KIRREL2: variants seen among roughly 807,000 people sequenced by gnomAD.
KIRREL2 encodes kirre like nephrin family adhesion molecule 2.
A neutral mutation model predicts 73.4 loss-of-function variants in KIRREL2; 56 were observed. The observed-to-expected ratio is 0.76, with a 90% CI of 0.62 to 0.95. The LOEUF is 0.95. Among genes scored for constraint, KIRREL2 ranks in the 40% least tolerant of loss-of-function variants. The probability of loss-of-function intolerance (pLI) is 0.00; values close to 1 mark genes in which losing one functional copy is unlikely to be tolerated. For synonymous variants in KIRREL2, 407 were observed against 404.0 expected, an observed-to-expected ratio of 1.01 and a Z score of -0.09; for missense variants, 896 against 935.0, an observed-to-expected ratio of 0.96 and a Z score of 0.54.
upstream of KIRREL2, among the ~76,000 whole-genome samples, chr19:35,854,713 G>A (rs183926905): frequency 1.8e-3 from 269 of 152,202 alleles, no homozygotes; most frequent in Non-Finnish European, 3.1e-3. Flanking sequence ...ATTTCACTGT[G>A]TCTCTCCATC....
Position 35,858,692 on chromosome 19 carries a change from T to C in KIRREL2, c.362-12T>C, listed in dbSNP as rs756178888. The C allele has an allele frequency of 1.3e-5, 21 of 1,613,390 alleles. No homozygotes were observed. The highest frequency in any genetic ancestry group is 1.8e-5 in the Non-Finnish European group (21 of 1,179,786). On this transcript the variant is annotated splice_polypyrimidine_tract_variant and intron_variant, in intron 3 of 14. Coordinates refer to ENST00000360202, the MANE Select transcript of KIRREL2 (RefSeq NM_199180.4). The stretch of plus-strand genomic sequence containing the variant: ...ATCAGGATCCATCTCTGACCCCAAA[T>C]CCACCTTGCAGTCCCCCCAGAAGCC...
rs1001404812 is a variant in KIRREL2 at position 35,861,638 on chromosome 19, C to T, written c.1287C>T (p.Ala429=). Reference sequence around the variant, plus strand: ...TTTTCGCCTCTCCCGCCCCAGATGCCGTGGTAAGGAAATGTCACTCCTCCC... The same window carrying T: ...TTTTCGCCTCTCCCGCCCCAGATGCTGTGGTAAGGAAATGTCACTCCTCCC... ...CLVFASPAPD[A]VVWSWDEGFL... Residue 429 remains alanine (A), a synonymous_variant, in exon 10 of 15, where the codon GCC becomes GCT. Coordinates refer to ENST00000360202, the MANE Select transcript of KIRREL2 (RefSeq NM_199180.4). The T allele has an allele frequency of 2.5e-6, 4 of 1,612,526 alleles. No individual in the cohort carries two copies. The highest frequency in any genetic ancestry group is 2.2e-5 in the East Asian group (1 of 44,882).
At chr19:35,864,790 C>A in intron 14 of KIRREL2, 77 bp downstream of exon 14, 1 of 1,133,394 alleles carries the variant, frequency 8.8e-7, no homozygotes, top group Non-Finnish European at 1.3e-6. Context: ...CCGTCTCTCT[C>A]CCACGCCTGT....
Position 35,866,223 on chromosome 19 carries a change from G to A in KIRREL2, c.1858G>A (p.Gly620Arg). 6.2e-7 allele frequency: 1 copy of A among 1,613,014 alleles called. No homozygotes were observed. The highest frequency in any genetic ancestry group is 1.1e-5 in the South Asian group (1 of 91,046). The change falls in exon 15 of 15, where the codon GGA (glycine) becomes AGA (arginine). Residue 620 changes from glycine to arginine, a missense_variant. By Grantham distance (125) the Gly-to-Arg change is moderately radical. Transcript: ENST00000360202. ...GAGCCTGAGCCTTGGCGAAGCCCCT[G>A]GAGGAGGTCTCTTCCTGCCACCACC... Reference protein sequence around the residue: ...SVSLSLGEAPGGGLFLPPPSP... With the variant: ...SVSLSLGEAPRGGLFLPPPSP...
intron 13 of KIRREL2, among the ~76,000 whole-genome samples, chr19:35,863,862 C>T (rs981610927): frequency 6.6e-6 from 1 of 152,034 alleles, no homozygotes; most frequent in African/African-American, 2.4e-5. Flanking sequence ...CAAGCTCCAC[C>T]TCCCGGGTTC....
chr19:35,857,341 C>A lies in KIRREL2; in HGVS notation c.62-4C>A, dbSNP rs1190533603. The A allele has an allele frequency of 6.2e-7, 1 of 1,612,358 alleles. No individual in the cohort carries two copies. Among genetic ancestry groups the A allele is most frequent in the Non-Finnish European group, 8.5e-7 (1 of 1,180,044 alleles). The stretch of plus-strand genomic sequence containing the variant: ...CTCAGCCCTGCTGCCCCGAACTCTC[C>A]TAGGCCCGTCGCCCCATTTCCTGCA... On this transcript the variant is annotated splice_region_variant and splice_polypyrimidine_tract_variant and intron_variant, in intron 1 of 14. Transcript: ENST00000360202.
upstream of KIRREL2, among the ~76,000 whole-genome samples, chr19:35,852,826 G>A (rs1415923774): frequency 6.6e-6 from 1 of 151,960 alleles, no homozygotes; most frequent in Non-Finnish European, 1.5e-5. Flanking sequence ...CTGTTGCTCA[G>A]GCTGGAGTGC....
chr19:35,858,491 GCATC>G lies in KIRREL2; in HGVS notation c.296_299del (p.Ala99AspfsTer45). Reference sequence around the variant, plus strand: ...TAGGCCCGTGGAGCTAGAGGATGAAGCATCATATGAATGTCAGGCTACACAAGCA... The same window carrying G: ...TAGGCCCGTGGAGCTAGAGGATGAAGATATGAATGTCAGGCTACACAAGCA... On this transcript the variant is annotated frameshift_variant, in exon 3 of 15. Coordinates refer to ENST00000360202, the MANE Select transcript of KIRREL2 (RefSeq NM_199180.4). LOFTEE classifies it high-confidence loss of function. 6.2e-7 allele frequency: 1 copy of G among 1,614,184 alleles called. No homozygotes were observed. Among genetic ancestry groups the G allele is most frequent in the Non-Finnish European group, 8.5e-7 (1 of 1,180,044 alleles).
At position 35,866,658 on chromosome 19, in the gene KIRREL2, C is replaced by T; in HGVS notation, c.*166C>T. The T allele has an allele frequency of 9.8e-7, 1 of 1,018,890 alleles. No individual in the cohort carries two copies. Among genetic ancestry groups the T allele is most frequent in the South Asian group, 1.5e-5 (1 of 66,866 alleles). The allele number at this position is 1,018,890 out of a possible 1,614,324, so 63.1% of individuals were successfully genotyped here. On this transcript the variant is annotated 3_prime_UTR_variant, in exon 15 of 15. Coordinates refer to ENST00000360202, the MANE Select transcript of KIRREL2 (RefSeq NM_199180.4). ...GAGCATTTGTATACAGTCAGCTCAGCCAAAGGAGATGCCCCAAGTGGGAGC... is the reference window on the plus strand; with the variant it reads ...GAGCATTTGTATACAGTCAGCTCAGTCAAAGGAGATGCCCCAAGTGGGAGC...
chr19:35,862,648 C>T, intron 12 of KIRREL2, 51 bp downstream of exon 12: 2 of 1,365,784 alleles, frequency 1.5e-6, no homozygotes, highest in Non-Finnish European at 2.1e-6. Flanking sequence ...CCCACACGCG[C>T]CCTGCCTGCC....
chr19:35,856,245 C>T (rs1973417804), upstream of KIRREL2, among the ~76,000 whole-genome samples: 1 of 152,136 alleles, frequency 6.6e-6, no homozygotes, highest in Non-Finnish European at 1.5e-5. This position sits in a 1 kb window ranked among gnomAD's most constrained non-coding sequence, Gnocchi z 5.9. Flanking sequence ...CCCGGCACCG[C>T]CGCCTCCCAG....
At chr19:35,863,139 TG>T in intron 13 of KIRREL2, 103 bp downstream of exon 13, 1 of 681,356 alleles carries the variant, frequency 1.5e-6, no homozygotes. Flanking sequence ...AGGCCAGGCA[TG>T]GTGCCTGACG....
At chr19:35,861,704 C>T (rs1054073527) in intron 10 of KIRREL2, 63 bp downstream of exon 10, 12 of 1,587,946 alleles carry the variant, frequency 7.6e-6, no homozygotes, top group Non-Finnish European at 7.8e-6. Flanking sequence ...CCACCTGGCC[C>T]CCCGAAACTA....
At position 35,858,771 on chromosome 19, in the gene KIRREL2, C is replaced by T. The variant is rs762162292; in HGVS notation, c.429C>T (p.Asn143=). 2 of 1,614,204 alleles carry T rather than the reference C, an allele frequency of 1.2e-6. No homozygotes were observed. The highest frequency in any genetic ancestry group is 1.7e-6 in the Non-Finnish European group (2 of 1,180,038). The change falls in exon 4 of 15, where the codon AAC becomes AAT. Residue 143 remains asparagine, a synonymous_variant. Coordinates refer to ENST00000360202, the MANE Select transcript of KIRREL2 (RefSeq NM_199180.4). ...SVSLVAGVPA[N]LTCRSRGDAR... The stretch of plus-strand genomic sequence containing the variant: ...CTCTGGTTGCTGGAGTTCCTGCGAA[C>T]CTGACATGTCGGAGCCGTGGGGATG...
chr19:35,865,394 G>A (rs550101276), intron 14 of KIRREL2, among the ~76,000 whole-genome samples: 89 of 151,910 alleles, frequency 5.9e-4, no homozygotes, highest in African/African-American at 2.1e-3. Flanking sequence ...CAAGTGATCC[G>A]CTCGCCCCAG....
intron 2 of KIRREL2, among the ~76,000 whole-genome samples, chr19:35,857,818 T>C (rs985925865): frequency 6.6e-6 from 1 of 152,012 alleles, no homozygotes; most frequent in African/African-American, 2.4e-5. Flanking sequence ...ACCTTATCTC[T>C]ACACAAATGT....
upstream of KIRREL2, among the ~76,000 whole-genome samples, chr19:35,855,706 CATACACACAG>C (rs1472285531): frequency 2.2e-5 from 2 of 90,486 alleles, no homozygotes; most frequent in African/African-American, 6.0e-5. Flanking sequence ...CACACACACA[CATACACACAG>C]GACTTAGGAC....
chr19:35,863,224 C>T (rs557610161), intron 13 of KIRREL2, among the ~76,000 whole-genome samples, 188 bp downstream of exon 13: 1 of 152,236 alleles, frequency 6.6e-6, no homozygotes, highest in East Asian at 1.9e-4. Context: ...GCCTGGACAG[C>T]ATAGCAGGAC....
rs376620365 is a variant in KIRREL2, at chr19:35,861,659, C to T, written c.1290+18C>T. 27 of 1,609,260 alleles carry T rather than the reference C, an allele frequency of 1.7e-5. No individual in the cohort carries two copies. In the African/African-American group the frequency reaches 3.1e-4, roughly 18 times the overall value. On this transcript the variant is annotated intron_variant, in intron 10 of 14. Coordinates refer to ENST00000360202, the MANE Select transcript of KIRREL2 (RefSeq NM_199180.4). ...ATGCCGTGGTAAGGAAATGTCACTC[C>T]TCCCGTGACCCATCCAGCCGTGATC... is the stretch of plus-strand genomic sequence containing the variant.
Sources: allele counts gnomAD v4.1 joint callset (sites outside exome capture counted in the v4.1 genomes callset), GRCh38; gene constraint gnomAD v4.1.1; non-coding constraint Gnocchi (gnomAD v3.1); transcripts MANE v1.5; gene names NCBI Gene and HGNC (gene_info 2026-07-23, HGNC 2026-07-21).